The following MROH7 variants were observed in gnomAD, a reference collection of about 807,000 sequenced individuals.
The protein encoded by MROH7 is maestro heat like repeat family member 7.
In MROH7, 113 loss-of-function variants were observed where a neutral mutation model predicts 129.2. The observed-to-expected ratio is 0.87, with a 90% CI of 0.75 to 1.02. The LOEUF (loss-of-function observed/expected upper bound fraction) is 1.02, where lower values mean the gene tolerates loss of function less well. Among genes scored for constraint, MROH7 ranks in the 50% least tolerant of loss-of-function variants. MROH7 has a pLI of 0.00. For missense variants in MROH7, 1,601 were observed against 1,671.3 expected (o/e 0.96, Z 0.73); for synonymous variants, 655 against 667.9 (o/e 0.98, Z 0.30).
intron 15 of MROH7, among the ~76,000 whole-genome samples, chr1:54,687,526 T>G (rs1189035817): frequency 2.6e-5 from 4 of 152,290 alleles, no homozygotes; most frequent in Non-Finnish European, 4.4e-5. Flanking sequence ...TTTATATGTC[T>G]TTATGTGTAC....
chr1:54,643,134 A>C (rs1166644719), intron 1 of MROH7, among the ~76,000 whole-genome samples: 3 of 152,216 alleles, frequency 2.0e-5, no homozygotes, highest in Non-Finnish European at 2.9e-5. Context: ...AGATGCATAT[A>C]AGTAAACAGA....
In MROH7 at chr1:54,702,164, T is replaced by A. The variant is rs748231619; in HGVS notation, c.3360T>A (p.Thr1120=). The change falls in exon 20 of 24, where the codon ACT becomes ACA. Residue 1120 remains threonine (T), a synonymous_variant. Transcript: ENST00000421030. ...TCCAGAAGCTTCGGGCACCACGCACTCAGGCCATGGAGGAGCAGCTGGTCA... is the reference window on the plus strand; with the variant it reads ...TCCAGAAGCTTCGGGCACCACGCACACAGGCCATGGAGGAGCAGCTGGTCA... The part of the protein sequence containing the change: ...KVVQKLRAPR[T]QAMEEQLVST... 3 of 1,610,388 alleles carry A rather than the reference T, an allele frequency of 1.9e-6. No individual in the cohort carries two copies. Among genetic ancestry groups the A allele is most frequent in the Admixed American group, 1.7e-5 (1 of 59,554 alleles).
chr1:54,671,637 G>A (rs1456101893), intron 7 of MROH7, among the ~76,000 whole-genome samples: 3 of 152,194 alleles, frequency 2.0e-5, no homozygotes, highest in Non-Finnish European at 4.4e-5. Context: ...GGGAGGAGGG[G>A]TGGAGGTGAC....
In MROH7 at chr1:54,699,131, T is replaced by TTTC. The variant is rs1201438365; in HGVS notation, c.2965-1187_2965-1185dup. On this transcript the variant is annotated intron_variant, in intron 17 of 23. Transcript: ENST00000421030. ...CTTTCTTTCTTTCTTTCTTTCTTTC[T>TTTC]TTCTTTCTTTCTTTCTTTCTTTCTT... The TTTC allele has an allele frequency of 8.2e-5, 8 of 97,452 alleles. No individual in the cohort carries two copies. The East Asian group carries it at 8.3e-4, about 10-fold the overall frequency. The allele number at this position is 97,452 out of a possible 1,614,324, so 6.0% of individuals were successfully genotyped here. A position where few individuals can be genotyped will look rare whatever the true frequency, so the allele number is the denominator to read the frequency against.
At chr1:54,672,495 G>T (rs1485580441) in intron 7 of MROH7, among the ~76,000 whole-genome samples, 1 of 152,144 alleles carries the variant, frequency 6.6e-6, no homozygotes, top group Non-Finnish European at 1.5e-5. Context: ...ATGGTGGTGT[G>T]GGTAAGGGAT....
rs1557727381 is a variant in MROH7 at position 54,699,179 on chromosome 1, CTTTCTTTCTCTT to C, written c.2965-1140_2965-1129del. On this transcript the variant is annotated intron_variant, in intron 17 of 23. Transcript: ENST00000421030. ...CTTTCTTTTCTTTCTTTCTTTCTTT[CTTTCTTTCTCTT>C]TCTTTCTTTCTTTCTCTCCCTCTCT... 1.4e-4 allele frequency: 18 copies of C among 128,282 alleles called. 1 individual carries two copies. The highest frequency in any genetic ancestry group is 5.5e-4 in the African/African-American group (18 of 32,976). 7.9% of individuals were successfully genotyped at this position (128,282 alleles called of 1,614,324 possible). A position where few individuals can be genotyped will look rare whatever the true frequency, so the allele number is the denominator to read the frequency against.
At chr1:54,690,099 A>G in intron 15 of MROH7, among the ~76,000 whole-genome samples, 1 of 152,232 alleles carries the variant, frequency 6.6e-6, no homozygotes, top group Non-Finnish European at 1.5e-5. Context: ...TACTTTGCAG[A>G]GAAAGCCTTT....
At chr1:54,663,157 G>A (rs1024598192) in intron 3 of MROH7, among the ~76,000 whole-genome samples, 3 of 152,108 alleles carry the variant, frequency 2.0e-5, no homozygotes, top group Admixed American at 6.6e-5. Flanking sequence ...TTGAAACTAT[G>A]TGAATATCCC....
Position 54,709,342 on chromosome 1 carries a change from G to A in MROH7, c.3730+266G>A, listed in dbSNP as rs529786800. Among the ~76,000 whole-genome samples, 208 of 152,222 alleles carry A rather than the reference G, an allele frequency of 1.4e-3. 2 individuals are homozygous for A. Among genetic ancestry groups the A allele is most frequent in the African/African-American group, 4.7e-3 (194 of 41,544 alleles). On this transcript the variant is annotated intron_variant, in intron 23 of 23. Transcript: ENST00000421030. ...CAAGCGATTCTCCTGCTTCAGCCTCGCAAGTAGCTGAGACTGCAGGCAGAT... is the reference window on the plus strand; with the variant it reads ...CAAGCGATTCTCCTGCTTCAGCCTCACAAGTAGCTGAGACTGCAGGCAGAT...
At chr1:54,709,846 G>A in intron 23 of MROH7, 100 bp from the exon 24 acceptor site, 1 of 1,398,694 alleles carries the variant, frequency 7.1e-7, no homozygotes, top group Non-Finnish European at 9.8e-7. Context: ...GCCAAGCAGA[G>A]GGTGCCTAAG....
At chr1:54,693,941 G>A (rs142857828) in intron 16 of MROH7, among the ~76,000 whole-genome samples, 3 of 152,190 alleles carry the variant, frequency 2.0e-5, no homozygotes, top group East Asian at 3.8e-4. Flanking sequence ...GAGTGCAGTG[G>A]TGTGATCTCT....
rs571257111 is a variant in MROH7 at position 54,702,219 on chromosome 1, C to T, written c.3415C>T (p.Gln1139Ter). Residue 1139 changes from glutamine (Q) to a stop codon, truncating the protein, a stop_gained, in exon 20 of 24, where the codon CAG becomes TAG. Coordinates refer to ENST00000421030, the MANE Select transcript of MROH7 (RefSeq NM_001039464.4). LOFTEE classifies it high-confidence loss of function. Reference protein sequence around the residue: ...STLVPLLLTMQEGNSKVSQKC... With the variant: ...STLVPLLLTM ...CTTGGTGCCCCTACTGCTGACCATG[C>T]AGGAGGGCAACTCCAAGGTAAGCCA... 7 of 1,570,898 alleles carry T rather than the reference C, an allele frequency of 4.5e-6. No homozygotes were observed. In the East Asian group the frequency reaches 1.4e-4, roughly 31 times the overall value.
chr1:54,681,748 G>A (rs906271437), intron 13 of MROH7, among the ~76,000 whole-genome samples: 7 of 152,166 alleles, frequency 4.6e-5, no homozygotes, highest in African/African-American at 1.7e-4. Context: ...GATGGGAACA[G>A]AGGCTCCCTG....
rs554316180 is a variant in MROH7 at position 54,679,314 on chromosome 1, G to A, written c.2101G>A (p.Ala701Thr). 58 of 1,614,206 alleles carry A rather than the reference G, an allele frequency of 3.6e-5. 1 individual carries two copies. The East Asian group carries it at 7.6e-4, about 21-fold the overall frequency. Residue 701 changes from alanine to threonine, a missense_variant, in exon 12 of 24, where the codon GCC becomes ACC. Ala to Thr is a moderately conservative substitution (Grantham distance 58). Coordinates refer to ENST00000421030, the MANE Select transcript of MROH7 (RefSeq NM_001039464.4). ...PQQIKDLLLA[A>T]LEGLKGSSEA... is the part of the protein sequence containing the mutation. ...GCAGATAAAGGACCTGCTGCTGGCC[G>A]CCCTGGAAGGGCTGAAAGGCAGCTC...
chr1:54,661,790 T>C (rs1644735940), intron 3 of MROH7, among the ~76,000 whole-genome samples: 1 of 151,948 alleles, frequency 6.6e-6, no homozygotes, highest in African/African-American at 2.4e-5. Flanking sequence ...GAGACGGAGT[T>C]TCGCCACATT....
intron 16 of MROH7, among the ~76,000 whole-genome samples, chr1:54,694,928 G>A (rs1015428360): frequency 1.3e-5 from 2 of 152,192 alleles, no homozygotes; most frequent in Admixed American, 6.5e-5. Flanking sequence ...GACCGTGGGC[G>A]GTTCACACTT....
intron 17 of MROH7, chr1:54,700,026 G>A (rs112356895): frequency 4.7e-6 from 3 of 639,888 alleles, no homozygotes; most frequent in South Asian, 3.7e-5. Context: ...CTGGCTGGTG[G>A]TGAGGGTGTG....
chr1:54,642,975 C>A (rs1469753186), intron 1 of MROH7, among the ~76,000 whole-genome samples: 1 of 152,220 alleles, frequency 6.6e-6, no homozygotes, highest in Non-Finnish European at 1.5e-5. Context: ...ATGATGACAT[C>A]TTTCTTGAAG....
intron 1 of MROH7, among the ~76,000 whole-genome samples, chr1:54,643,988 A>T (rs952807339): frequency 1.3e-5 from 2 of 151,898 alleles, no homozygotes; most frequent in African/African-American, 4.8e-5. Context: ...ATTTTTTTTT[A>T]AAGTCTTTAT....
Sources: gnomAD v4.1 joint callset for allele counts (sites outside exome capture counted in the v4.1 genomes callset) on GRCh38, gnomAD v4.1.1 for gene constraint, MANE v1.5 for transcripts, NCBI Gene and HGNC (gene_info 2026-07-23, HGNC 2026-07-21) for gene names.